Variants in ZNF479 observed in about 807,000 individuals in gnomAD.
ZNF479 encodes the protein zinc finger protein 479.
ZNF479 carries 15 observed loss-of-function variants against 14.7 expected under a neutral mutation model. The observed-to-expected ratio is 1.02, with a 90% CI of 0.68 to 1.57. The LOEUF (loss-of-function observed/expected upper bound fraction) is 1.57, where lower values mean the gene tolerates loss of function less well. Ranked by LOEUF, ZNF479 falls within the 40% of genes most tolerant of loss-of-function variation. The pLI, the probability that ZNF479 is intolerant of heterozygous loss-of-function variation, is 0.00. For synonymous variants in ZNF479, 145 were observed against 211.5 expected (o/e 0.69, Z 2.73); for missense variants, 506 against 615.1 (o/e 0.82, Z 1.88).
upstream of ZNF479, among the ~76,000 whole-genome samples, chr7:57,134,393 G>A (rs935961170): frequency 1.3e-5 from 2 of 152,074 alleles, no homozygotes; most frequent in Admixed American, 6.5e-5. Flanking sequence ...GACAGTTAAC[G>A]AATGCCATGG....
intron 1 of ZNF479, among the ~76,000 whole-genome samples, chr7:57,130,943 C>T (rs1052311111): frequency 1.3e-5 from 2 of 152,102 alleles, no homozygotes; most frequent in Non-Finnish European, 2.9e-5. Flanking sequence ...AACATCATGT[C>T]CTTTGCAGCA....
At chr7:57,133,539 G>T (rs1385192952), upstream of ZNF479, among the ~76,000 whole-genome samples, 2 of 152,130 alleles carry the variant, frequency 1.3e-5, no homozygotes, top group Non-Finnish European at 2.9e-5. Context: ...TGTAAATTTT[G>T]AATTTTCTAG....
intron 1 of ZNF479, among the ~76,000 whole-genome samples, chr7:57,137,498 G>A (rs927569826): frequency 6.6e-6 from 1 of 152,126 alleles, no homozygotes; most frequent in African/African-American, 2.4e-5. Context: ...GGATATTCAA[G>A]CTCTAACAGC....
intron 3 of ZNF479, among the ~76,000 whole-genome samples, chr7:57,122,901 AC>A (rs1282223012): frequency 6.6e-6 from 1 of 152,130 alleles, no homozygotes; most frequent in Non-Finnish European, 1.5e-5. Context: ...GCAAATATTG[AC>A]AGAAATGAAG....
At chr7:57,136,103 G>T (rs1310902324), upstream of ZNF479, among the ~76,000 whole-genome samples, 1 of 151,364 alleles carries the variant, frequency 6.6e-6, no homozygotes, top group South Asian at 2.1e-4. Context: ...CCTGAAACAG[G>T]CCAGGCATGG....
chr7:57,126,223 T>C, intron 2 of ZNF479, 110 bp from the exon 3 acceptor site: 1 of 1,263,924 alleles, frequency 7.9e-7, no homozygotes. Flanking sequence ...TTAATATTGA[T>C]TCATAATAGA....
upstream of ZNF479, among the ~76,000 whole-genome samples, chr7:57,136,827 T>C (rs1312860841): frequency 6.6e-6 from 1 of 152,230 alleles, no homozygotes; most frequent in Non-Finnish European, 1.5e-5. Flanking sequence ...ATTTTCCTTT[T>C]TCTGAGCTAC....
intron 3 of ZNF479, among the ~76,000 whole-genome samples, chr7:57,121,984 G>T (rs763370154): frequency 6.6e-6 from 1 of 151,822 alleles, no homozygotes; most frequent in Non-Finnish European, 1.5e-5. Flanking sequence ...AATAAACAAG[G>T]TGGAGGTAAA....
chr7:57,120,091 A>G lies in ZNF479; in HGVS notation c.1324T>C (p.Cys442Arg). ...TGERPYKCEE[C>R]GKAFSLSSTL... ...GAGGATAAGCTAAAGGCTTTGCCAC[A>G]TTCTTCACATTTGTAGGGTCTCTCT... Residue 442 changes from cysteine to arginine, a missense_variant, in exon 4 of 4, where the codon TGT becomes CGT. Transcript: ENST00000319636. The G allele has an allele frequency of 2.5e-6, 4 of 1,613,836 alleles. No individual in the cohort carries two copies. The highest frequency in any genetic ancestry group is 3.3e-4 in the Middle Eastern group (2 of 6,056).
intron 3 of ZNF479, among the ~76,000 whole-genome samples, chr7:57,124,336 T>C (rs2115867045): frequency 6.6e-6 from 1 of 152,334 alleles, no homozygotes; most frequent in South Asian, 2.1e-4. Context: ...CCAAATAATC[T>C]GCCTCAAGTT....
At chr7:57,130,460 GA>G (rs1786366217) in intron 1 of ZNF479, among the ~76,000 whole-genome samples, 1 of 150,556 alleles carries the variant, frequency 6.6e-6, no homozygotes, top group Admixed American at 6.6e-5. Context: ...GTGTAAGAGT[GA>G]AACTCTGTCT....
Position 57,120,533 on chromosome 7 carries a change from C to G in ZNF479, c.882G>C (p.Glu294Asp). ...CACATTCTTCACATTTGTAGGGTCT[C>G]TCTCCAGTATGAATTCTCTTGTGGT... ...LTNHKRIHTG[E>D]RPYKCEECGK... The change falls in exon 4 of 4, where the codon GAG (glutamate) becomes GAC (aspartate). Residue 294 changes from glutamate (E) to aspartate (D), a missense_variant. By Grantham distance (45) the Glu-to-Asp change is conservative (BLOSUM62 2). Coordinates refer to ENST00000319636, the MANE Select transcript of ZNF479 (RefSeq NM_001370129.2). 6.2e-7 allele frequency: 1 copy of G among 1,613,758 alleles called. No homozygotes were observed. The highest frequency in any genetic ancestry group is 2.2e-5 in the East Asian group (1 of 44,854).
chr7:57,137,843 C>T (rs951715420), intron 1 of ZNF479, among the ~76,000 whole-genome samples: 24 of 152,318 alleles, frequency 1.6e-4, no homozygotes, highest in African/African-American at 5.1e-4. Flanking sequence ...TCCCTTTCTG[C>T]CTGGGCCAGT....
chr7:57,123,583 C>A (rs1406764006), intron 3 of ZNF479, among the ~76,000 whole-genome samples: 2 of 152,066 alleles, frequency 1.3e-5, no homozygotes, highest in African/African-American at 4.8e-5. Flanking sequence ...GGTGTAATCC[C>A]AGCAGTTTGG....
rs190896262 is a variant in ZNF479, at chr7:57,120,036, G to A, written c.1379C>T (p.Thr460Ile). Reference protein sequence around the residue: ...STLTDHKRIHTGERPYTCEEC... With the variant: ...STLTDHKRIHIGERPYTCEEC... The stretch of plus-strand genomic sequence containing the variant: ...TTCACATGTGTAGGGTCTCTCTCCA[G>A]TATGAATTCTCTTGTGGTCAGTGAG... The change falls in exon 4 of 4, where the codon ACT becomes ATT. Residue 460 changes from threonine (T) to isoleucine (I), a missense_variant. Thr to Ile is a moderately conservative substitution (Grantham distance 89). Coordinates refer to ENST00000319636, the MANE Select transcript of ZNF479 (RefSeq NM_001370129.2). The A allele has an allele frequency of 1.0e-3, 1,636 of 1,613,950 alleles. 16 individuals are homozygous for A. In the African/African-American group the frequency reaches 0.019, roughly 19 times the overall value.
At position 57,132,353 on chromosome 7, in the gene ZNF479, G is replaced by A. The variant is rs1429582264; in HGVS notation, c.-29C>T. 6.2e-7 allele frequency: 1 copy of A among 1,614,126 alleles called. No homozygotes were observed. Among genetic ancestry groups the A allele is most frequent in the East Asian group, 2.2e-5 (1 of 44,876 alleles). On this transcript the variant is annotated 5_prime_UTR_variant, in exon 1 of 4. Transcript: ENST00000319636. The stretch of plus-strand genomic sequence containing the variant: ...TCTGCAGATACCTGCAGGACACAAG[G>A]ACACATAGGCTTGGCCTCTAGGAGC...
intron 1 of ZNF479, among the ~76,000 whole-genome samples, chr7:57,138,213 C>T (rs1316821394): frequency 1.3e-5 from 2 of 152,176 alleles, no homozygotes; most frequent in Non-Finnish European, 2.9e-5. Flanking sequence ...GTGAACCCAG[C>T]CAGTAGAAGA....
At chr7:57,138,764 C>T (rs1330834796) in intron 1 of ZNF479, among the ~76,000 whole-genome samples, 3 of 152,304 alleles carry the variant, frequency 2.0e-5, no homozygotes, top group East Asian at 1.9e-4. Context: ...GAGGTTGTGA[C>T]TATTGGATGC....
chr7:57,122,752 C>T (rs138509173), intron 3 of ZNF479, among the ~76,000 whole-genome samples: 10 of 152,118 alleles, frequency 6.6e-5, no homozygotes, highest in Admixed American at 6.6e-4. Flanking sequence ...CACATGAAAG[C>T]AAATGAGTCG....
Sources: allele counts gnomAD v4.1 joint callset (sites outside exome capture counted in the v4.1 genomes callset), GRCh38; gene constraint gnomAD v4.1.1; transcripts MANE v1.5; gene names NCBI Gene and HGNC (gene_info 2026-07-23, HGNC 2026-07-21).